JADE3: variants seen among roughly 807,000 people sequenced by gnomAD.
The protein encoded by JADE3 is protein Jade-3.
A neutral mutation model predicts 50.1 loss-of-function variants in JADE3; 2 were observed. The observed-to-expected ratio is 0.04, with a 90% CI of 0.02 to 0.13. The LOEUF (loss-of-function observed/expected upper bound fraction) is 0.13. JADE3 is among the 10% of genes least tolerant of loss of function. The probability of loss-of-function intolerance (pLI) is 1.00; values close to 1 mark genes in which losing one functional copy is unlikely to be tolerated. For missense variants in JADE3, 475 were observed against 634.4 expected (o/e 0.75, Z 2.70); for synonymous variants, 218 against 232.9 (o/e 0.94, Z 0.58).
chrX:47,023,743 T>TA (rs1164705038), intron 4 of JADE3, among the ~76,000 whole-genome samples: 1 of 111,249 alleles, frequency 9.0e-6, no homozygotes, highest in Non-Finnish European at 1.9e-5. Flanking sequence ...CCTTCTCTAC[T>TA]AAAAATACAA....
Position 47,060,557 on chromosome X carries a change from T to G in JADE3, c.*1480T>G, listed in dbSNP as rs1406628624. 8.9e-6 allele frequency: 1 copy of G among 112,209 alleles called. No individual in the cohort carries two copies. Among genetic ancestry groups the G allele is most frequent in the Non-Finnish European group, 1.9e-5 (1 of 53,252 alleles). 9.2% of individuals were successfully genotyped at this position (112,209 alleles called of 1,213,427 possible). A position where few individuals can be genotyped will look rare whatever the true frequency, so the allele number is the denominator to read the frequency against. On this transcript the variant is annotated 3_prime_UTR_variant, in exon 11 of 11. Transcript: ENST00000614628. ...CCCCAGTTGTGTTCTTGTAACGTTG[T>G]TAATGGGTTCCTTTGCTTTTTGCTT...
chrX:47,018,077 T>G (rs1222152905), intron 4 of JADE3, among the ~76,000 whole-genome samples: 1 of 111,579 alleles, frequency 9.0e-6, no homozygotes, highest in East Asian at 2.8e-4. Context: ...TTAACTCTAC[T>G]TTCAAAATAT....
intron 7 of JADE3, among the ~76,000 whole-genome samples, chrX:47,036,925 C>A (rs1447303093): frequency 1.2e-5 from 1 of 81,393 alleles, no homozygotes; most frequent in Non-Finnish European, 2.3e-5. Context: ...CACATGGACA[C>A]AGGAAGGGGA....
intron 1 of JADE3, among the ~76,000 whole-genome samples, chrX:46,923,901 T>C (rs1166256076): frequency 9.0e-6 from 1 of 111,717 alleles, no homozygotes; most frequent in Non-Finnish European, 1.9e-5. Flanking sequence ...AGTTCTCTGA[T>C]GATCTGATTA....
intron 3 of JADE3, among the ~76,000 whole-genome samples, chrX:46,989,845 C>A (rs1441833391): frequency 9.1e-6 from 1 of 109,398 alleles, no homozygotes; most frequent in Non-Finnish European, 1.9e-5. Flanking sequence ...AATGGTAGAT[C>A]TTTTGTTATT....
chrX:47,049,551 G>A (rs1929456404), intron 8 of JADE3, among the ~76,000 whole-genome samples: 1 of 107,946 alleles, frequency 9.3e-6, no homozygotes, highest in Non-Finnish European at 1.9e-5. Context: ...CAACTTCCCA[G>A]GCTCCCACCT....
chrX:46,987,364 C>T (rs1284312685), intron 3 of JADE3, among the ~76,000 whole-genome samples: 1 of 111,927 alleles, frequency 8.9e-6, no homozygotes, highest in Non-Finnish European at 1.9e-5. Flanking sequence ...GGCATCCCCA[C>T]CACATTTGCT....
rs1341453933 is a variant in JADE3, at chrX:46,942,100, A to G, written c.-12+29381A>G. ...ACTTGTTGAATTTTTTAAGTTCCTT[A>G]TAGATTCTAGATATTAGACCTTTGT... On this transcript the variant is annotated intron_variant, in intron 1 of 10. Coordinates refer to ENST00000614628, the MANE Select transcript of JADE3 (RefSeq NM_014735.5). Among the ~76,000 whole-genome samples, 5 of 110,727 alleles carry G rather than the reference A, an allele frequency of 4.5e-5. No homozygotes were observed. The Admixed American group carries it at 4.8e-4, about 11-fold the overall frequency.
chrX:46,975,583 A>G (rs781956177), intron 1 of JADE3, among the ~76,000 whole-genome samples: 1 of 110,753 alleles, frequency 9.0e-6, no homozygotes. Flanking sequence ...ATACCATAAT[A>G]TTAATGTACC....
chrX:47,050,311 TTATA>T (rs1195391636), intron 8 of JADE3, among the ~76,000 whole-genome samples: 1 of 112,115 alleles, frequency 8.9e-6, no homozygotes, highest in Non-Finnish European at 1.9e-5. Context: ...TTTGATGTCT[TTATA>T]TATGTTGTAT....
chrX:46,956,191 A>C (rs1927111118), intron 1 of JADE3, among the ~76,000 whole-genome samples: 1 of 111,380 alleles, frequency 9.0e-6, no homozygotes, highest in African/African-American at 3.3e-5. Context: ...CAGCCTCCCA[A>C]GTAGCTGGGA....
At chrX:46,917,858 CCTCT>C (rs150958785) in intron 1 of JADE3, among the ~76,000 whole-genome samples, 93 of 22,766 alleles carry the variant, frequency 4.1e-3, no homozygotes, top group Admixed American at 6.5e-3. Flanking sequence ...TCTCTCTCAT[CCTCT>C]CTCTCTCTCT....
chrX:47,019,675 CTG>C lies in JADE3; in HGVS notation c.285-5047_285-5046del, dbSNP rs781897713. Among the ~76,000 whole-genome samples the C allele has an allele frequency of 6.8e-4, 77 of 112,572 alleles. No homozygotes were observed. The South Asian group carries it at 0.026, about 38-fold the overall frequency. Reference sequence around the variant, plus strand: ...CACTTATTAGGAAATGTAGCATAGTCTGTACCTGCCAAATATTTAGATCAACT... The same window carrying C: ...CACTTATTAGGAAATGTAGCATAGTCTACCTGCCAAATATTTAGATCAACT... On this transcript the variant is annotated intron_variant, in intron 4 of 10. Coordinates refer to ENST00000614628, the MANE Select transcript of JADE3 (RefSeq NM_014735.5).
At chrX:46,942,638 C>T (rs1169770903) in intron 1 of JADE3, among the ~76,000 whole-genome samples, 1 of 111,781 alleles carries the variant, frequency 8.9e-6, no homozygotes, top group African/African-American at 3.3e-5. Context: ...TGTGATGTCT[C>T]CAGCTTTGTT....
rs781936163 is a variant in JADE3 at position 46,989,130 on chromosome X, G to A, written c.126+3338G>A. Among the ~76,000 whole-genome samples the A allele has an allele frequency of 6.3e-5, 7 of 111,959 alleles. No homozygotes were observed. The South Asian group carries it at 1.9e-3, about 30-fold the overall frequency. ...TGGGATTACAGACGTGAGCCACTGC[G>A]CCCTGCCGCCATTGGCTGCTTTTTT... On this transcript the variant is annotated intron_variant, in intron 3 of 10. Transcript: ENST00000614628.
At chrX:46,928,141 C>G (rs1926411436) in intron 1 of JADE3, among the ~76,000 whole-genome samples, 1 of 111,491 alleles carries the variant, frequency 9.0e-6, no homozygotes, top group African/African-American at 3.3e-5. Flanking sequence ...ACTGCCTTCC[C>G]TCTCCCGTAC....
chrX:46,962,729 C>T (rs1245182911), intron 1 of JADE3, among the ~76,000 whole-genome samples: 1 of 111,704 alleles, frequency 9.0e-6, no homozygotes, highest in Non-Finnish European at 1.9e-5. Flanking sequence ...TATTTTTGTT[C>T]ATGAGCCAAA....
intron 1 of JADE3, among the ~76,000 whole-genome samples, chrX:46,931,738 T>A (rs1480664932): frequency 2.7e-5 from 3 of 112,330 alleles, no homozygotes; most frequent in East Asian, 2.8e-4. Context: ...TAAATTTTTT[T>A]AAATTAAAGC....
At chrX:46,974,458 C>T (rs781926495) in intron 1 of JADE3, among the ~76,000 whole-genome samples, 9 of 111,178 alleles carry the variant, frequency 8.1e-5, no homozygotes, top group Admixed American at 2.9e-4. Context: ...ATTCACCCTT[C>T]GGGATATAAG....
Sources: allele counts gnomAD v4.1 joint callset (sites outside exome capture counted in the v4.1 genomes callset), GRCh38; gene constraint gnomAD v4.1.1; transcripts MANE v1.5; gene names NCBI Gene and HGNC (gene_info 2026-07-23, HGNC 2026-07-21).